The following ASCC3 variants were observed in gnomAD, a reference collection of about 807,000 sequenced individuals.
ASCC3 encodes activating signal cointegrator 1 complex subunit 3, also known as ASC-1 complex subunit P200.
A neutral mutation model predicts 256.3 loss-of-function variants in ASCC3; 158 were observed. The observed-to-expected ratio is 0.62, with a 90% CI of 0.54 to 0.70. The LOEUF (loss-of-function observed/expected upper bound fraction) is 0.70, where lower values mean the gene tolerates loss of function less well. Ranked by LOEUF, ASCC3 falls within the 30% of genes least tolerant of loss-of-function variation. The pLI is 0.00. For missense variants in ASCC3, 2,259 were observed against 2,626.0 expected (o/e 0.86, Z 3.05); for synonymous variants, 948 against 883.4 (o/e 1.07, Z -1.30).
chr6:100,584,824 A>C (rs1362636690), intron 36 of ASCC3, among the ~76,000 whole-genome samples: 4 of 151,874 alleles, frequency 2.6e-5, no homozygotes, highest in Non-Finnish European at 2.9e-5. Context: ...AAAGTATTTT[A>C]TTTCTCCTTC....
intron 38 of ASCC3, among the ~76,000 whole-genome samples, chr6:100,516,799 C>T (rs569913845): frequency 3.9e-5 from 6 of 152,188 alleles, no homozygotes; most frequent in South Asian, 4.1e-4. Context: ...CCCAGAAACA[C>T]AGGCCACATA....
chr6:100,585,065 T>G (rs1159408244), intron 36 of ASCC3, among the ~76,000 whole-genome samples: 2 of 152,166 alleles, frequency 1.3e-5, no homozygotes, highest in Non-Finnish European at 2.9e-5. Context: ...GTCTTGGAGT[T>G]GCTCTTCTCG....
intron 1 of ASCC3, among the ~76,000 whole-genome samples, chr6:100,871,920 C>A (rs1331213056): frequency 1.3e-5 from 2 of 152,204 alleles, no homozygotes; most frequent in Admixed American, 1.3e-4. Flanking sequence ...TATGTATGTA[C>A]ACTGTACATG....
intron 36 of ASCC3, among the ~76,000 whole-genome samples, chr6:100,580,685 A>C (rs1771180128): frequency 6.6e-6 from 1 of 150,552 alleles, no homozygotes; most frequent in African/African-American, 2.4e-5. Flanking sequence ...GCACCCACTA[A>C]CTCGTCATCT....
At position 100,512,236 on chromosome 6, in the gene ASCC3, C is replaced by T. The variant is rs188359575; in HGVS notation, c.6285+473G>A. ...AAATTCATAGAGCTAAGTGGTAAAGCTTCAGTCTCATCTACATCTAGCCCA... is the reference window on the plus strand; with the variant it reads ...AAATTCATAGAGCTAAGTGGTAAAGTTTCAGTCTCATCTACATCTAGCCCA... On this transcript the variant is annotated intron_variant, in intron 40 of 41. Coordinates refer to ENST00000369162, the MANE Select transcript of ASCC3 (RefSeq NM_006828.4). 2.5e-3 allele frequency among the ~76,000 whole-genome samples: 382 copies of T among 152,292 alleles called. 1 individual carries two copies. Among genetic ancestry groups the T allele is most frequent in the Middle Eastern group, 3.4e-3 (1 of 294 alleles).
intron 8 of ASCC3, among the ~76,000 whole-genome samples, chr6:100,796,099 T>C (rs1423123490): frequency 2.6e-5 from 4 of 152,004 alleles, no homozygotes; most frequent in Middle Eastern, 3.4e-3. Flanking sequence ...AAAACCACAA[T>C]GAGAAATCAC....
At position 100,509,944 on chromosome 6, in the gene ASCC3, TC is replaced by T; in HGVS notation, c.6448del (p.Glu2150LysfsTer13). 2 of 1,613,934 alleles carry T rather than the reference TC, an allele frequency of 1.2e-6. No homozygotes were observed. The highest frequency in any genetic ancestry group is 1.7e-6 in the Non-Finnish European group (2 of 1,179,860). ...HVASLSFYTP[E>X]IPGRYIYTLY... ...GGATTCTTCTTACCTTCCAGGTATT[TC>T]AGGGGTATAAAAAGAAAGGGAAGCA... On this transcript the variant is annotated frameshift_variant, in exon 41 of 42. Transcript: ENST00000369162. LOFTEE classifies it high-confidence loss of function.
chr6:100,533,972 C>A (rs1775040301), intron 37 of ASCC3, among the ~76,000 whole-genome samples: 1 of 152,174 alleles, frequency 6.6e-6, no homozygotes, highest in Non-Finnish European at 1.5e-5. Flanking sequence ...AAACCAACTG[C>A]TTTGTTCTTT....
At chr6:100,517,900 T>C in intron 38 of ASCC3, 91 bp downstream of exon 38, 1 of 1,366,502 alleles carries the variant, frequency 7.3e-7, no homozygotes, top group Non-Finnish European at 1.0e-6. Flanking sequence ...ATCAGTATTC[T>C]CCATAACATA....
chr6:100,759,618 A>T (rs1202301258), intron 10 of ASCC3, among the ~76,000 whole-genome samples: 1 of 152,166 alleles, frequency 6.6e-6, no homozygotes, highest in Non-Finnish European at 1.5e-5. Context: ...CTTTTTGCTT[A>T]GGATTGTCTT....
chr6:100,859,071 T>A (rs777286945), intron 3 of ASCC3: 1 of 776,384 alleles, frequency 1.3e-6, no homozygotes, highest in Admixed American at 1.7e-5. Context: ...ATATTCAGAT[T>A]TTCTATTTCT....
chr6:100,599,939 T>C (rs770433012), intron 34 of ASCC3, among the ~76,000 whole-genome samples: 7 of 152,082 alleles, frequency 4.6e-5, no homozygotes, highest in Non-Finnish European at 8.8e-5. Context: ...TTAGAATGGC[T>C]TTAATTCATT....
chr6:100,723,154 T>C (rs1582758641), intron 11 of ASCC3, among the ~76,000 whole-genome samples: 1 of 151,714 alleles, frequency 6.6e-6, no homozygotes, highest in Admixed American at 6.6e-5. Flanking sequence ...TTAAGCATCT[T>C]TTAAATATTT....
chr6:100,842,439 G>A lies in ASCC3; in HGVS notation c.801+5709C>T, dbSNP rs1264054212. On this transcript the variant is annotated intron_variant, in intron 4 of 41. Coordinates refer to ENST00000369162, the MANE Select transcript of ASCC3 (RefSeq NM_006828.4). ...TTTTCATTCTCATGTTCTCATGAGT[G>A]TAATGTAGTGGACTTTTGCAGAGGC... 2.0e-5 allele frequency among the ~76,000 whole-genome samples: 3 copies of A among 152,146 alleles called. No homozygotes were observed. In the East Asian group the frequency reaches 5.8e-4, roughly 29 times the overall value.
rs933431164 is a variant in ASCC3, at chr6:100,513,922, T to A, written c.6076-1004A>T. Among the ~76,000 whole-genome samples, 12 of 152,066 alleles carry A rather than the reference T, an allele frequency of 7.9e-5. No homozygotes were observed. The East Asian group carries it at 1.7e-3, about 22-fold the overall frequency. The stretch of plus-strand genomic sequence containing the variant: ...CTCAATACATTGGCTTTTTTTTTTT[T>A]AATCAGTTGTTACCTTCTCAGTTAG... On this transcript the variant is annotated intron_variant, in intron 39 of 41. Transcript: ENST00000369162.
chr6:100,743,982 A>T (rs941578749), intron 10 of ASCC3, among the ~76,000 whole-genome samples: 10 of 152,220 alleles, frequency 6.6e-5, no homozygotes, highest in African/African-American at 2.4e-4. Context: ...ATTTATGCTT[A>T]AGTAGCTTAT....
In ASCC3 at chr6:100,516,337, A is replaced by G; in HGVS notation, c.5928-10T>C. ...AATCGGCTTCCATTTCCTAGGAAAT[A>G]ATATCAAACCAACCAAATAATTGTT... On this transcript the variant is annotated splice_polypyrimidine_tract_variant and intron_variant, in intron 38 of 41. Coordinates refer to ENST00000369162, the MANE Select transcript of ASCC3 (RefSeq NM_006828.4). 5 of 1,613,542 alleles carry G rather than the reference A, an allele frequency of 3.1e-6. No individual in the cohort carries two copies. The highest frequency in any genetic ancestry group is 1.7e-5 in the Admixed American group (1 of 59,954).
intron 22 of ASCC3, among the ~76,000 whole-genome samples, chr6:100,644,389 C>T (rs239243): frequency 0.074 from 11,290 of 152,164 alleles, 618 homozygotes; most frequent in African/African-American, 0.15. Flanking sequence ...CTTTTCCTTA[C>T]AGATTTGCCT....
intron 10 of ASCC3, among the ~76,000 whole-genome samples, chr6:100,753,319 A>AC (rs397936262): frequency 5.3e-5 from 8 of 151,184 alleles, no homozygotes; most frequent in Non-Finnish European, 1.2e-4. Context: ...ACAAAACAAA[A>AC]CATTTATTTT....
Sources: gnomAD v4.1 joint callset for allele counts (sites outside exome capture counted in the v4.1 genomes callset) on GRCh38, gnomAD v4.1.1 for gene constraint, MANE v1.5 for transcripts, NCBI Gene and HGNC (gene_info 2026-07-23, HGNC 2026-07-21) for gene names.